The following KANK1 variants were observed in gnomAD, a reference collection of about 807,000 sequenced individuals.
KANK1 encodes KN motif and ankyrin repeat domains 1, also known as KN motif and ankyrin repeat domain-containing protein 1.
In KANK1, 109 loss-of-function variants were observed where a neutral mutation model predicts 106.2. The ratio of observed to expected loss-of-function variants is 1.03; its 90% confidence interval spans 0.88 to 1.20. KANK1 has a LOEUF of 1.20. KANK1 is among the 50% of genes most tolerant of loss of function. KANK1 has a pLI of 0.00. For synonymous variants in KANK1, 873 were observed against 652.2 expected (o/e 1.34, Z -5.16); for missense variants, 2,399 against 1,710.7 (o/e 1.40, Z -7.10).
In KANK1 at chr9:584,446, AATT is replaced by A. The variant is rs559222145; in HGVS notation, c.-84+79696_-84+79698del. ...CAAAGTACTACTTTGAAGGAAGAAA[AATT>A]ATTTTTTAATAATTCAGCATAAATT... On this transcript the variant is annotated intron_variant, in intron 1 of 11. Transcript: ENST00000382297. 3.3e-5 allele frequency among the ~76,000 whole-genome samples: 5 copies of A among 152,158 alleles called. No homozygotes were observed. In the South Asian group the frequency reaches 1.0e-3, roughly 32 times the overall value.
intron 1 of KANK1, among the ~76,000 whole-genome samples, chr9:519,142 G>A (rs532240344): frequency 2.6e-4 from 39 of 151,620 alleles, no homozygotes; most frequent in Middle Eastern, 3.4e-3. Context: ...TGCCTGCCTC[G>A]GCCTCCCAAA....
intron 11 of KANK1, chr9:744,879 G>A (rs1836787183): frequency 1.2e-5 from 17 of 1,412,186 alleles, no homozygotes; most frequent in Non-Finnish European, 1.4e-5. Flanking sequence ...CTGAGCCCAT[G>A]GGGATATTTC....
rs371969649 is a variant in KANK1 at position 729,813 on chromosome 9, A to G, written c.2699-238A>G. ...ACTTCCATGACTAGAAACCAAGGCT[A>G]TGACGGTAGCAGCCAAAACAGAGAA... On this transcript the variant is annotated intron_variant, in intron 3 of 11. Transcript: ENST00000382297. 1.1e-4 allele frequency among the ~76,000 whole-genome samples: 16 copies of G among 152,322 alleles called. No individual in the cohort carries two copies. In the South Asian group the frequency reaches 3.3e-3, roughly 32 times the overall value.
chr9:745,148 G>T, intron 11 of KANK1, 25 bp from the exon 12 acceptor site: 6 of 1,612,362 alleles, frequency 3.7e-6, no homozygotes, highest in Non-Finnish European at 4.2e-6. Context: ...TTAACCCCCA[G>T]TTTTTTTCCT....
intron 1 of KANK1, among the ~76,000 whole-genome samples, chr9:636,803 G>A (rs1251778553): frequency 2.0e-5 from 3 of 152,178 alleles, no homozygotes; most frequent in Non-Finnish European, 4.4e-5. Context: ...GGAGGTGGAG[G>A]TTGCAGTGAG....
At chr9:685,086 G>C (rs1366806819) in intron 2 of KANK1, among the ~76,000 whole-genome samples, 2 of 152,136 alleles carry the variant, frequency 1.3e-5, no homozygotes, top group African/African-American at 2.4e-5. Flanking sequence ...TTTGGAGTGA[G>C]CCTTAACTGA....
rs766893794 is a variant in KANK1, at chr9:711,956, A to G, written c.1190A>G (p.Glu397Gly). The G allele has an allele frequency of 8.7e-6, 14 of 1,614,038 alleles. No individual in the cohort carries two copies. The East Asian group carries it at 2.5e-4, about 28-fold the overall frequency. The change falls in exon 3 of 12, where the codon GAG (glutamate) becomes GGG (glycine). Residue 397 changes from glutamate (E) to glycine (G), a missense_variant. Coordinates refer to ENST00000382297, the MANE Select transcript of KANK1 (RefSeq NM_015158.5). ...EASSELRENGECRSVAVGAEE... is the reference protein window; with the variant it reads ...EASSELRENGGCRSVAVGAEE... ...TCCTCAGAGCTCAGGGAGAATGGAGAGTGCCGGTCTGTGGCTGTGGGTGCC... is the reference window on the plus strand; with the variant it reads ...TCCTCAGAGCTCAGGGAGAATGGAGGGTGCCGGTCTGTGGCTGTGGGTGCC...
intron 1 of KANK1, among the ~76,000 whole-genome samples, chr9:545,640 C>G (rs1322531002): frequency 6.7e-6 from 1 of 150,098 alleles, no homozygotes; most frequent in East Asian, 2.0e-4. Context: ...AGTCATTTTG[C>G]TGGGCTTAGC....
chr9:708,840 C>T (rs1049413968), intron 2 of KANK1, among the ~76,000 whole-genome samples: 3 of 152,136 alleles, frequency 2.0e-5, no homozygotes, highest in African/African-American at 7.2e-5. Context: ...TAAAAATGCG[C>T]AGCTTATTAG....
At chr9:681,420 T>C (rs1306177620) in intron 2 of KANK1, among the ~76,000 whole-genome samples, 2 of 152,112 alleles carry the variant, frequency 1.3e-5, no homozygotes, top group African/African-American at 4.8e-5. Flanking sequence ...TCCCCAAGTT[T>C]CTGAATCATG....
rs1826722301 is a variant in KANK1 at position 713,290 on chromosome 9, G to T, written c.2524G>T (p.Ala842Ser). The change falls in exon 3 of 12, where the codon GCT (alanine) becomes TCT (serine). Residue 842 changes from alanine to serine, a missense_variant. Ala to Ser is a moderately conservative substitution (Grantham distance 99). Transcript: ENST00000382297. ...GCTGGCAGAACAGCAGACACTGCTGGCTGAGAACTACAGTGAACTGGCAGA... is the reference window on the plus strand; with the variant it reads ...GCTGGCAGAACAGCAGACACTGCTGTCTGAGAACTACAGTGAACTGGCAGA... ...KLLAEQQTLL[A>S]ENYSELAEAF... 6.2e-7 allele frequency: 1 copy of T among 1,614,068 alleles called. No individual in the cohort carries two copies. The highest frequency in any genetic ancestry group is 8.5e-7 in the Non-Finnish European group (1 of 1,179,972).
intron 1 of KANK1, among the ~76,000 whole-genome samples, chr9:650,512 A>G (rs1840651574): frequency 6.6e-6 from 1 of 152,334 alleles, no homozygotes; most frequent in East Asian, 1.9e-4. Context: ...AACTAGCTGT[A>G]GAGCATGCTG....
chr9:496,804 GTAAA>G (rs924134235), intron 3 of KANK1, among the ~76,000 whole-genome samples: 12 of 151,992 alleles, frequency 7.9e-5, no homozygotes, highest in African/African-American at 2.2e-4. Flanking sequence ...TAAATATTTG[GTAAA>G]TAAATAAATA....
chr9:608,380 T>C (rs1829817078), intron 1 of KANK1, among the ~76,000 whole-genome samples: 1 of 151,694 alleles, frequency 6.6e-6, no homozygotes, highest in Non-Finnish European at 1.5e-5. Context: ...TACGTGACCA[T>C]AGACCAACTC....
At chr9:726,665 A>T (rs1313995666) in intron 3 of KANK1, among the ~76,000 whole-genome samples, 1 of 151,966 alleles carries the variant, frequency 6.6e-6, no homozygotes, top group Non-Finnish European at 1.5e-5. Context: ...ACGGAGACAA[A>T]AATTAAAAAT....
chr9:513,306 T>G (rs1283340144), intron 1 of KANK1, among the ~76,000 whole-genome samples: 4 of 152,212 alleles, frequency 2.6e-5, no homozygotes, highest in African/African-American at 9.6e-5. Context: ...AGTTGAGTGT[T>G]TGTATGTGGA....
intron 1 of KANK1, among the ~76,000 whole-genome samples, chr9:662,507 C>A (rs1325979818): frequency 2.7e-5 from 4 of 150,286 alleles, no homozygotes; most frequent in African/African-American, 9.9e-5. Context: ...GAACAGAGGC[C>A]TCAGAAATAA....
At chr9:647,003 A>G (rs952183023) in intron 1 of KANK1, among the ~76,000 whole-genome samples, 1 of 150,914 alleles carries the variant, frequency 6.6e-6, no homozygotes, top group African/African-American at 2.5e-5. Flanking sequence ...CACCCCTTAA[A>G]CATCATTGTA....
At chr9:740,724 G>A in intron 8 of KANK1, 68 bp from the exon 9 acceptor site, 1 of 1,534,566 alleles carries the variant, frequency 6.5e-7, no homozygotes, top group Non-Finnish European at 8.8e-7. Flanking sequence ...TCCCTTCAGT[G>A]GCTTCGTAAG....
Sources: gnomAD v4.1 joint callset for allele counts (sites outside exome capture counted in the v4.1 genomes callset) on GRCh38, gnomAD v4.1.1 for gene constraint, MANE v1.5 for transcripts, NCBI Gene and HGNC (gene_info 2026-07-23, HGNC 2026-07-21) for gene names.